Variants in AEBP2 observed in about 807,000 individuals in gnomAD.
AEBP2 encodes the protein AE binding protein 2.
Under a neutral mutation model 50.8 loss-of-function variants are expected in AEBP2, and 10 were observed. The ratio of observed to expected loss-of-function variants is 0.20; its 90% CI spans 0.12 to 0.33. The LOEUF (loss-of-function observed/expected upper bound fraction) is 0.33. Among genes scored for constraint, AEBP2 ranks in the 10% least tolerant of loss-of-function variants. The pLI, the probability that AEBP2 is intolerant of heterozygous loss-of-function variation, is 1.00. For synonymous variants in AEBP2, 296 were observed against 261.3 expected, an observed-to-expected ratio of 1.13 and a Z score of -1.28; for missense variants, 570 against 688.0, an observed-to-expected ratio of 0.83 and a Z score of 1.92.
At chr12:19,419,391 C>T (rs1315185431) in intron 1 of AEBP2, among the ~76,000 whole-genome samples, 2 of 151,584 alleles carry the variant, frequency 1.3e-5, no homozygotes, top group Non-Finnish European at 2.9e-5. Context: ...AAATCGAGAC[C>T]ATCCTGGCTA....
chr12:19,474,084 T>A (rs376230828), intron 3 of AEBP2, among the ~76,000 whole-genome samples: 1 of 152,220 alleles, frequency 6.6e-6, no homozygotes, highest in African/African-American at 2.4e-5. Context: ...TTGATTCCTT[T>A]CACTCAGTTT....
At chr12:19,466,523 G>A (rs942496762) in intron 2 of AEBP2, among the ~76,000 whole-genome samples, 4 of 152,070 alleles carry the variant, frequency 2.6e-5, no homozygotes, top group Non-Finnish European at 5.9e-5. Context: ...TTGTGTAATC[G>A]CCACCCGCTC....
intron 2 of AEBP2, among the ~76,000 whole-genome samples, chr12:19,469,411 C>A (rs1875467): frequency 0.37 from 56,347 of 151,962 alleles, 13,146 homozygotes; most frequent in Non-Finnish European, 0.53. Context: ...TTTGGACTTA[C>A]CACGTGTGCT....
chr12:19,507,743 A>G (rs529617089), intron 5 of AEBP2, among the ~76,000 whole-genome samples: 4 of 152,324 alleles, frequency 2.6e-5, no homozygotes, highest in Admixed American at 2.6e-4. Flanking sequence ...TAGAAAGGAA[A>G]GGAGCTAGGT....
chr12:19,457,223 G>C (rs1408373591), intron 1 of AEBP2: 37 of 1,598,312 alleles, frequency 2.3e-5, no homozygotes, highest in Non-Finnish European at 3.1e-5. Flanking sequence ...TAAGCCAAAA[G>C]GGCATGCTCC....
At chr12:19,488,284 T>G (rs1948843259) in intron 3 of AEBP2, among the ~76,000 whole-genome samples, 1 of 149,690 alleles carries the variant, frequency 6.7e-6, no homozygotes, top group South Asian at 2.1e-4. Context: ...CCTGGCTAAT[T>G]TTTGTATTTT....
rs1949405866 is a variant in AEBP2 at position 19,522,046 on chromosome 12, G to C, written c.*3929G>C. On this transcript the variant is annotated 3_prime_UTR_variant, in exon 8 of 8. Transcript: ENST00000266508. ...AGGAGATACTTTGTTTCTAAAAAAG[G>C]AGTTAAATCGTGTCACCTGAATTTT... The C allele has an allele frequency of 6.6e-6, 1 of 151,940 alleles. No individual in the cohort carries two copies. 9.4% of individuals were successfully genotyped at this position (151,940 alleles called of 1,614,324 possible). A position where few individuals can be genotyped will look rare whatever the true frequency, so the allele number is the denominator to read the frequency against.
chr12:19,409,926 GAATCATAGTCTGATTTAACCTTCCA>G (rs1318665612), intron 1 of AEBP2, among the ~76,000 whole-genome samples: 1 of 152,272 alleles, frequency 6.6e-6, no homozygotes, highest in Non-Finnish European at 1.5e-5. Context: ...CAAACTCTCT[GAATCATAGTCTGATTTAACCTTCCA>G]AAAGCTAGAG....
intron 2 of AEBP2, among the ~76,000 whole-genome samples, chr12:19,466,069 A>G (rs759046989): frequency 6.6e-6 from 1 of 151,930 alleles, no homozygotes; most frequent in Non-Finnish European, 1.5e-5. Context: ...CAGCCTCCCA[A>G]GGTGCTGGGA....
chr12:19,421,914 C>T (rs1592706368), intron 1 of AEBP2, among the ~76,000 whole-genome samples: 1 of 152,166 alleles, frequency 6.6e-6, no homozygotes, highest in African/African-American at 2.4e-5. Context: ...CTTTGGGAGG[C>T]TGAGACAGGT....
In AEBP2 at chr12:19,520,508, T is replaced by C. The variant is rs1399909948; in HGVS notation, c.*2391T>C. The C allele has an allele frequency of 6.6e-6, 1 of 152,206 alleles. No homozygotes were observed. The highest frequency in any genetic ancestry group is 1.9e-4 in the East Asian group (1 of 5,190). 9.4% of individuals were successfully genotyped at this position (152,206 alleles called of 1,614,324 possible). A position where few individuals can be genotyped will look rare whatever the true frequency, so the allele number is the denominator to read the frequency against. ...ACTTGTATGTATACATATATACACATAACATCCAATTATGACTGGGTAATA... is the reference window on the plus strand; with the variant it reads ...ACTTGTATGTATACATATATACACACAACATCCAATTATGACTGGGTAATA... On this transcript the variant is annotated 3_prime_UTR_variant, in exon 8 of 8. Coordinates refer to ENST00000266508, the MANE Select transcript of AEBP2 (RefSeq NM_153207.5).
intron 3 of AEBP2, among the ~76,000 whole-genome samples, chr12:19,481,798 C>T (rs549356350): frequency 2.0e-5 from 3 of 152,246 alleles, no homozygotes; most frequent in African/African-American, 7.2e-5. Flanking sequence ...TTTTCTGTTT[C>T]TCTAAGTGTG....
chr12:19,406,926 G>A (rs2095736606), intron 1 of AEBP2, among the ~76,000 whole-genome samples: 1 of 152,104 alleles, frequency 6.6e-6, no homozygotes, highest in Non-Finnish European at 1.5e-5. Context: ...ATGTCCAGTT[G>A]TTCAACAACA....
chr12:19,467,719 T>A (rs375725906), intron 2 of AEBP2, among the ~76,000 whole-genome samples: 11 of 152,196 alleles, frequency 7.2e-5, no homozygotes, highest in Admixed American at 2.6e-4. Context: ...TGTAGGACTT[T>A]AGAGGCTCAG....
chr12:19,463,615 C>T (rs1948416145), intron 2 of AEBP2, among the ~76,000 whole-genome samples: 1 of 149,176 alleles, frequency 6.7e-6, no homozygotes, highest in Non-Finnish European at 1.5e-5. Flanking sequence ...TTTTTTTAAA[C>T]ATCCAACCGG....
At chr12:19,514,241 C>CT (rs1241526324) in intron 6 of AEBP2, among the ~76,000 whole-genome samples, 1 of 152,068 alleles carries the variant, frequency 6.6e-6, no homozygotes, top group Non-Finnish European at 1.5e-5. Context: ...CTCAAGTTAT[C>CT]TTCCCCCCTT....
chr12:19,463,965 C>T (rs969752876), intron 2 of AEBP2, among the ~76,000 whole-genome samples: 9 of 151,958 alleles, frequency 5.9e-5, no homozygotes, highest in Non-Finnish European at 1.3e-4. Context: ...CGTGTGTGAC[C>T]GAAATTTCTT....
chr12:19,421,440 C>A (rs192091007), intron 1 of AEBP2, among the ~76,000 whole-genome samples: 1 of 151,194 alleles, frequency 6.6e-6, no homozygotes, highest in Non-Finnish European at 1.5e-5. Context: ...TTGCTTGAAC[C>A]CTGGAGTTCG....
intron 3 of AEBP2, among the ~76,000 whole-genome samples, chr12:19,482,410 T>C (rs895759650): frequency 3.9e-5 from 6 of 152,210 alleles, no homozygotes; most frequent in Admixed American, 3.9e-4. Flanking sequence ...GAACTTGTAA[T>C]GTGGACACAC....
Sources: allele counts gnomAD v4.1 joint callset (sites outside exome capture counted in the v4.1 genomes callset), GRCh38; gene constraint gnomAD v4.1.1; transcripts MANE v1.5; gene names NCBI Gene and HGNC (gene_info 2026-07-23, HGNC 2026-07-21).